PTPRR: variants seen among roughly 807,000 people sequenced by gnomAD.
PTPRR encodes protein tyrosine phosphatase receptor type R, also known as receptor-type tyrosine-protein phosphatase R.
PTPRR carries 38 observed loss-of-function variants against 77.2 expected under a neutral mutation model. The ratio of observed to expected loss-of-function variants is 0.49; its 90% CI spans 0.38 to 0.65. The LOEUF (loss-of-function observed/expected upper bound fraction) is 0.65. Among genes scored for constraint, PTPRR ranks in the 30% least tolerant of loss-of-function variants. PTPRR has a pLI of 0.00. For synonymous variants in PTPRR, 299 were observed against 283.1 expected, an observed-to-expected ratio of 1.06 and a Z score of -0.57; for missense variants, 744 against 799.2, an observed-to-expected ratio of 0.93 and a Z score of 0.83.
chr12:70,766,152 A>T (rs966714116), intron 2 of PTPRR, among the ~76,000 whole-genome samples: 3 of 152,228 alleles, frequency 2.0e-5, no homozygotes, highest in African/African-American at 7.2e-5. Context: ...CAACGGAACA[A>T]AGCTGGACAG....
At chr12:70,747,408 A>C (rs948598784) in intron 5 of PTPRR, among the ~76,000 whole-genome samples, 1 of 152,222 alleles carries the variant, frequency 6.6e-6, no homozygotes, top group East Asian at 1.9e-4. Context: ...AAGATAAGGC[A>C]TATATTATAT....
In PTPRR at chr12:70,709,563, A is replaced by G. The variant is rs1490457999; in HGVS notation, c.1008-8240T>C. The stretch of plus-strand genomic sequence containing the variant: ...TGACATGATCCTGTTTGCAGATGAC[A>G]TGATCCTATATCTAGAAAACCCAGA... On this transcript the variant is annotated intron_variant, in intron 6 of 13. Coordinates refer to ENST00000283228, the MANE Select transcript of PTPRR (RefSeq NM_002849.4). Among the ~76,000 whole-genome samples the G allele has an allele frequency of 2.0e-5, 3 of 152,262 alleles. No individual in the cohort carries two copies. In the East Asian group the frequency reaches 5.8e-4, roughly 29 times the overall value.
intron 5 of PTPRR, among the ~76,000 whole-genome samples, chr12:70,752,221 G>A (rs35007490): frequency 0.071 from 10,839 of 152,174 alleles, 433 homozygotes; most frequent in African/African-American, 0.088. Context: ...AAATAGACCC[G>A]CAGAGAATAT....
intron 4 of PTPRR, 51 bp downstream of exon 4, chr12:70,761,420 G>T (rs1344656366): frequency 2.8e-6 from 4 of 1,454,340 alleles, no homozygotes; most frequent in Non-Finnish European, 3.7e-6. Context: ...AATTACCATA[G>T]CATGCTAACT....
chr12:70,706,720 A>T (rs1888632752), intron 6 of PTPRR, among the ~76,000 whole-genome samples: 2 of 152,126 alleles, frequency 1.3e-5, no homozygotes, highest in Admixed American at 1.3e-4. Flanking sequence ...CAATCATTTA[A>T]AAGAACCAGA....
At chr12:70,847,276 G>A (rs1892501516) in intron 2 of PTPRR, among the ~76,000 whole-genome samples, 1 of 152,162 alleles carries the variant, frequency 6.6e-6, no homozygotes, top group Non-Finnish European at 1.5e-5. Context: ...GCTTGGAGTA[G>A]CTGGTCATTA....
intron 2 of PTPRR, among the ~76,000 whole-genome samples, chr12:70,858,806 C>G (rs1170663303): frequency 6.6e-6 from 1 of 151,976 alleles, no homozygotes; most frequent in Non-Finnish European, 1.5e-5. Context: ...TAAATTGGTG[C>G]CATTCTAAGT....
intron 2 of PTPRR, among the ~76,000 whole-genome samples, chr12:70,823,317 A>G (rs1167307494): frequency 6.6e-6 from 1 of 152,204 alleles, no homozygotes; most frequent in Non-Finnish European, 1.5e-5. Context: ...AGTACGGCAG[A>G]GCAGTGACAG....
intron 13 of PTPRR, among the ~76,000 whole-genome samples, chr12:70,642,553 A>C (rs1482631439): frequency 1.3e-5 from 2 of 152,190 alleles, no homozygotes; most frequent in Non-Finnish European, 2.9e-5. Context: ...TATACTATCT[A>C]ATCCCATTCT....
intron 2 of PTPRR, among the ~76,000 whole-genome samples, chr12:70,875,686 G>A (rs527336017): frequency 3.3e-5 from 5 of 149,838 alleles, no homozygotes; most frequent in Admixed American, 2.7e-4. Context: ...TTTTTTGAAA[G>A]AGACAAAAAT....
At chr12:70,892,496 G>A (rs1000334452) in intron 2 of PTPRR, among the ~76,000 whole-genome samples, 183 bp downstream of exon 2, 5 of 152,048 alleles carry the variant, frequency 3.3e-5, no homozygotes, top group Non-Finnish European at 7.4e-5. Flanking sequence ...TTCTGATTTC[G>A]TAAGAGGAAG....
At chr12:70,703,080 G>A (rs1257862855) in intron 6 of PTPRR, among the ~76,000 whole-genome samples, 1 of 148,978 alleles carries the variant, frequency 6.7e-6, no homozygotes, top group Non-Finnish European at 1.5e-5. Context: ...AGATATGTAT[G>A]TGAGTCTTCC....
intron 6 of PTPRR, among the ~76,000 whole-genome samples, chr12:70,722,769 T>A (rs1023862145): frequency 6.6e-6 from 1 of 152,166 alleles, no homozygotes; most frequent in African/African-American, 2.4e-5. Flanking sequence ...GAGCCCTTCC[T>A]TGCCCCCTGT....
At chr12:70,665,494 G>A (rs892300946) in intron 10 of PTPRR, among the ~76,000 whole-genome samples, 3 of 135,112 alleles carry the variant, frequency 2.2e-5, no homozygotes, top group East Asian at 2.5e-4. Flanking sequence ...CGATTCTCCC[G>A]CCTCAGCCTC....
intron 1 of PTPRR, among the ~76,000 whole-genome samples, chr12:70,902,247 A>G (rs1893548618): frequency 6.6e-6 from 1 of 151,910 alleles, no homozygotes; most frequent in Non-Finnish European, 1.5e-5. Flanking sequence ...CACTATGGAA[A>G]ACAGTGTGGA....
intron 12 of PTPRR, among the ~76,000 whole-genome samples, chr12:70,657,450 GTT>G (rs1886626885): frequency 6.6e-6 from 1 of 152,120 alleles, no homozygotes; most frequent in Non-Finnish European, 1.5e-5. Context: ...GTCCTGGTGG[GTT>G]TATACATTCA....
chr12:70,641,321 C>T (rs1426185737), intron 13 of PTPRR, among the ~76,000 whole-genome samples: 1 of 152,232 alleles, frequency 6.6e-6, no homozygotes, highest in Non-Finnish European at 1.5e-5. Flanking sequence ...TCAGCTTCCT[C>T]TCACCATTTA....
At chr12:70,647,765 A>G (rs1278338317) in intron 13 of PTPRR, among the ~76,000 whole-genome samples, 1 of 152,322 alleles carries the variant, frequency 6.6e-6, no homozygotes, top group East Asian at 1.9e-4. Flanking sequence ...TTTTTCAACT[A>G]TAATTTTAAA....
At chr12:70,728,321 G>GATATAT (rs139775483) in intron 6 of PTPRR, among the ~76,000 whole-genome samples, 4 of 110,422 alleles carry the variant, frequency 3.6e-5, no homozygotes, top group African/African-American at 1.4e-4. Flanking sequence ...TCTGTCTCTA[G>GATATAT]ATATATATAT....
Sources: gnomAD v4.1 joint callset for allele counts (sites outside exome capture counted in the v4.1 genomes callset) on GRCh38, gnomAD v4.1.1 for gene constraint, MANE v1.5 for transcripts, NCBI Gene and HGNC (gene_info 2026-07-23, HGNC 2026-07-21) for gene names.